The following ZNF141 variants were observed in gnomAD, a reference collection of about 807,000 sequenced individuals.
ZNF141 encodes zinc finger protein 141 (clone pHZ-44).
A neutral mutation model predicts 11.3 loss-of-function variants in ZNF141; 7 were observed. That is an observed-to-expected ratio of 0.62 (90% confidence interval 0.35 to 1.16). The LOEUF is 1.16. Among genes scored for constraint, ZNF141 ranks in the 50% most tolerant of loss-of-function variants. The probability of loss-of-function intolerance (pLI) is 0.02; values close to 1 mark genes in which losing one functional copy is unlikely to be tolerated. For synonymous variants in ZNF141, 183 were observed against 190.7 expected, an observed-to-expected ratio of 0.96 and a Z score of 0.33; for missense variants, 535 against 554.0, an observed-to-expected ratio of 0.97 and a Z score of 0.34.
chr4:372,635 G>A (rs1712123854), intron 3 of ZNF141, 29 bp from the exon 4 acceptor site: 1 of 1,454,082 alleles, frequency 6.9e-7, no homozygotes, highest in Admixed American at 2.3e-5. Context: ...CTACTAAGTG[G>A]GATAATTTGT....
Position 381,611 on chromosome 4 carries a change from T to A in ZNF141, c.*7749T>A, listed in dbSNP as rs1581637596. 2.0e-5 allele frequency among the ~76,000 whole-genome samples: 3 copies of A among 152,058 alleles called. No individual in the cohort carries two copies. In the South Asian group the frequency reaches 6.2e-4, roughly 32 times the overall value. ...TTTTAGTAGAGACGGGGTTTCACCA[T>A]GTTGGCCAGGCTGGTCTCAAACTCC... On this transcript the variant is annotated 3_prime_UTR_variant, in exon 4 of 4. Coordinates refer to ENST00000240499, the MANE Select transcript of ZNF141 (RefSeq NM_003441.4).
chr4:370,487 T>C (rs1712001694), intron 3 of ZNF141, among the ~76,000 whole-genome samples: 1 of 152,202 alleles, frequency 6.6e-6, no homozygotes, highest in East Asian at 1.9e-4. Flanking sequence ...ACTGTTTTAC[T>C]GGTTATATTA....
At chr4:347,730 T>G (rs1248962219) in intron 3 of ZNF141, among the ~76,000 whole-genome samples, 8 of 129,374 alleles carry the variant, frequency 6.2e-5, no homozygotes, top group African/African-American at 2.3e-4. Flanking sequence ...TTGTATGTAT[T>G]TCTTCTTTGG....
chr4:348,238 G>A (rs1721432645), intron 3 of ZNF141, among the ~76,000 whole-genome samples: 1 of 152,030 alleles, frequency 6.6e-6, no homozygotes, highest in Non-Finnish European at 1.5e-5. Flanking sequence ...ATGTGCAGAG[G>A]CTGTTTACTT....
intron 3 of ZNF141, among the ~76,000 whole-genome samples, chr4:364,984 G>A (rs1014086280): frequency 4.6e-5 from 7 of 152,194 alleles, no homozygotes; most frequent in African/African-American, 1.4e-4. Flanking sequence ...AGTGGGCTTC[G>A]CCCAGTTCAA....
At chr4:347,379 G>A (rs1469469052) in intron 3 of ZNF141, among the ~76,000 whole-genome samples, 2 of 134,936 alleles carry the variant, frequency 1.5e-5, no homozygotes, top group South Asian at 4.7e-4. Context: ...TCTCTCTGTC[G>A]CCCAGGCTGG....
intron 3 of ZNF141, among the ~76,000 whole-genome samples, chr4:363,522 C>T (rs1214583819): frequency 6.6e-6 from 1 of 152,038 alleles, no homozygotes; most frequent in Non-Finnish European, 1.5e-5. Flanking sequence ...TTTGGGAGGC[C>T]AAGGCGGGCA....
At position 374,731 on chromosome 4, in the gene ZNF141, G is replaced by C. The variant is rs4690173; in HGVS notation, c.*869G>C. 6.5e-6 allele frequency: 1 copy of C among 153,302 alleles called. No individual in the cohort carries two copies. Among genetic ancestry groups the C allele is most frequent in the East Asian group, 1.9e-4 (1 of 5,222 alleles). The allele number at this position is 153,302 out of a possible 1,614,324, so 9.5% of individuals were successfully genotyped here. ...ACAAAACCTTTAAGCCATACTCCAG[G>C]CTTCTTAAACATAATGAGAACTCAT... On this transcript the variant is annotated 3_prime_UTR_variant, in exon 4 of 4. Coordinates refer to ENST00000240499, the MANE Select transcript of ZNF141 (RefSeq NM_003441.4).
intron 3 of ZNF141, among the ~76,000 whole-genome samples, chr4:349,386 C>T (rs549770086): frequency 1.3e-5 from 2 of 152,248 alleles, no homozygotes; most frequent in African/African-American, 4.8e-5. Context: ...TATGTATATG[C>T]ATGATGATAT....
chr4:344,724 G>A (rs1182487242), intron 3 of ZNF141, among the ~76,000 whole-genome samples: 1 of 152,128 alleles, frequency 6.6e-6, no homozygotes, highest in Non-Finnish European at 1.5e-5. Context: ...AACCCAGGAG[G>A]CGGAGGTTGC....
At chr4:363,033 T>A (rs192727629) in intron 3 of ZNF141, among the ~76,000 whole-genome samples, 39 of 152,334 alleles carry the variant, frequency 2.6e-4, no homozygotes, top group Admixed American at 2.2e-3. Context: ...TTCCATTTGT[T>A]TGCGTCCTCT....
chr4:366,875 C>T (rs1046036015), intron 3 of ZNF141, among the ~76,000 whole-genome samples: 2 of 151,798 alleles, frequency 1.3e-5, no homozygotes, highest in Admixed American at 6.6e-5. Context: ...GCCATGTTGA[C>T]CAGGCTGGTC....
At chr4:350,662 C>T (rs1420877662) in intron 3 of ZNF141, among the ~76,000 whole-genome samples, 1 of 152,138 alleles carries the variant, frequency 6.6e-6, no homozygotes, top group African/African-American at 2.4e-5. Flanking sequence ...GTAGGGTTGG[C>T]TTTTCATGAA....
At chr4:346,681 C>T (rs782157464) in intron 3 of ZNF141, among the ~76,000 whole-genome samples, 47 of 152,114 alleles carry the variant, frequency 3.1e-4, no homozygotes, top group African/African-American at 9.9e-4. Flanking sequence ...TATGAGTTTA[C>T]GCTTTTAGAT....
At position 384,765 on chromosome 4, in the gene ZNF141, A is replaced by T. The variant is rs1712838133; in HGVS notation, c.*10903A>T. On this transcript the variant is annotated 3_prime_UTR_variant, in exon 4 of 4. Transcript: ENST00000240499. ...CAGAAGACTTCCTCGTTCTTGCCAC[A>T]TAAAAGACCCAGAACTCAGCCCCAT... 6.6e-6 allele frequency: 1 copy of T among 152,236 alleles called. No individual in the cohort carries two copies. The highest frequency in any genetic ancestry group is 1.5e-5 in the Non-Finnish European group (1 of 68,074). 9.4% of individuals were successfully genotyped at this position (152,236 alleles called of 1,614,324 possible).
chr4:352,248 G>A (rs1285690999), intron 3 of ZNF141, among the ~76,000 whole-genome samples: 3 of 152,222 alleles, frequency 2.0e-5, no homozygotes, highest in African/African-American at 2.4e-5. Context: ...TTAGCCGGGC[G>A]TGGTGGTGGG....
At position 372,795 on chromosome 4, in the gene ZNF141, T is replaced by G; in HGVS notation, c.358T>G (p.Leu120Val). The G allele has an allele frequency of 6.2e-7, 1 of 1,613,952 alleles. No individual in the cohort carries two copies. The highest frequency in any genetic ancestry group is 8.5e-7 in the Non-Finnish European group (1 of 1,179,924). ...NLQLRKGCKSLNECKLQKGGY... is the reference protein window; with the variant it reads ...NLQLRKGCKSVNECKLQKGGY... ...ACAATTAAGAAAAGGCTGTAAAAGT[T>G]TGAATGAGTGTAAGTTGCAGAAAGG... The change falls in exon 4 of 4, where the codon TTG (leucine) becomes GTG (valine). Residue 120 changes from leucine (L) to valine (V), a missense_variant. Leu to Val is a conservative substitution (Grantham distance 32). Transcript: ENST00000240499.
chr4:357,587 C>T (rs564699738), intron 3 of ZNF141, among the ~76,000 whole-genome samples: 1 of 152,044 alleles, frequency 6.6e-6, no homozygotes, highest in South Asian at 2.1e-4. Flanking sequence ...TATACCTTTA[C>T]ACAATTAAAA....
intron 3 of ZNF141, among the ~76,000 whole-genome samples, chr4:370,168 AT>A (rs567693758): frequency 8.6e-5 from 13 of 151,830 alleles, no homozygotes; most frequent in Non-Finnish European, 7.4e-5. Flanking sequence ...CACTAATCAT[AT>A]TTTTTTGCTG....
Sources: gnomAD v4.1 joint callset for allele counts (sites outside exome capture counted in the v4.1 genomes callset) on GRCh38, gnomAD v4.1.1 for gene constraint, MANE v1.5 for transcripts, NCBI Gene and HGNC (gene_info 2026-07-23, HGNC 2026-07-21) for gene names.